Variants in FOXP1 observed in about 807,000 individuals in gnomAD.
FOXP1 encodes the protein forkhead box protein P1.
Under a neutral mutation model 98.2 loss-of-function variants are expected in FOXP1, and 15 were observed. The ratio of observed to expected loss-of-function variants is 0.15; its 90% CI spans 0.10 to 0.24. FOXP1 has a LOEUF of 0.24. Among genes scored for constraint, FOXP1 ranks in the 10% least tolerant of loss-of-function variants. The pLI is 1.00. For synonymous variants in FOXP1, 371 were observed against 314.5 expected, an observed-to-expected ratio of 1.18 and a Z score of -1.90; for missense variants, 633 against 848.5, an observed-to-expected ratio of 0.75 and a Z score of 3.15.
In FOXP1 at chr3:71,198,271, G is replaced by A. The variant is rs979988363; in HGVS notation, c.111C>T (p.Ser37=). The part of the protein sequence containing the change: ...LECGGLREGR[S]NGETPAVDIG... ...TGTCCACGGCCGGCGTCTCTCCGTTGGACCGCCCCTCCCGAAGACCGCCGC... is the reference window on the plus strand; with the variant it reads ...TGTCCACGGCCGGCGTCTCTCCGTTAGACCGCCCCTCCCGAAGACCGCCGC... Residue 37 remains serine, a synonymous_variant, in exon 6 of 21, where the codon TCC becomes TCT. Coordinates refer to ENST00000649528, the MANE Select transcript of FOXP1 (RefSeq NM_001349338.3). 6.2e-7 allele frequency: 1 copy of A among 1,614,186 alleles called. No individual in the cohort carries two copies. The highest frequency in any genetic ancestry group is 8.5e-7 in the Non-Finnish European group (1 of 1,180,040).
chr3:71,517,275 A>G (rs768215678), intron 2 of FOXP1, among the ~76,000 whole-genome samples: 6 of 152,230 alleles, frequency 3.9e-5, no homozygotes, highest in Non-Finnish European at 8.8e-5. Flanking sequence ...ACAGATTCAC[A>G]GCATTGAAGA....
chr3:71,214,294 T>C (rs2064746998), intron 5 of FOXP1, among the ~76,000 whole-genome samples: 1 of 152,214 alleles, frequency 6.6e-6, no homozygotes, highest in African/African-American at 2.4e-5. Flanking sequence ...AAGTCCTTTA[T>C]CAAGCTACCT....
At chr3:71,147,947 A>T (rs538906387) in intron 6 of FOXP1, among the ~76,000 whole-genome samples, 18 of 152,392 alleles carry the variant, frequency 1.2e-4, no homozygotes, top group Non-Finnish European at 1.3e-4. Flanking sequence ...CAAAGACAAA[A>T]GATCGCCAAA....
At chr3:71,417,834 C>T (rs775005965) in intron 3 of FOXP1, among the ~76,000 whole-genome samples, 2 of 151,910 alleles carry the variant, frequency 1.3e-5, no homozygotes, top group East Asian at 1.9e-4. Flanking sequence ...GCATTTGGTC[C>T]GCATAGCCGA....
intron 3 of FOXP1, among the ~76,000 whole-genome samples, chr3:71,448,794 C>T (rs1185823640): frequency 6.6e-6 from 1 of 152,186 alleles, no homozygotes; most frequent in East Asian, 1.9e-4. Context: ...ACCAAATTAC[C>T]ATTGCCACAA....
In FOXP1 at chr3:71,399,827, G is replaced by A. The variant is rs1178003333; in HGVS notation, c.-167-40583C>T. On this transcript the variant is annotated intron_variant, in intron 3 of 20. Transcript: ENST00000649528. ...ACCTCTTACAAACCTTCATTTTACT[G>A]GGAAATCTTTCCATGAAACTCTACA... Among the ~76,000 whole-genome samples the A allele has an allele frequency of 1.1e-4, 16 of 152,150 alleles. 1 individual carries two copies. Among genetic ancestry groups the A allele is most frequent in the Admixed American group, 7.2e-4 (11 of 15,268 alleles).
At chr3:71,170,189 TTC>T (rs2061580271) in intron 6 of FOXP1, among the ~76,000 whole-genome samples, 1 of 152,218 alleles carries the variant, frequency 6.6e-6, no homozygotes, top group African/African-American at 2.4e-5. Flanking sequence ...ATGTCTGTGT[TTC>T]TCTTTCCTAT....
chr3:70,978,253 A>G (rs1389136578), intron 14 of FOXP1, among the ~76,000 whole-genome samples: 2 of 152,206 alleles, frequency 1.3e-5, no homozygotes, highest in Admixed American at 1.3e-4. Context: ...AGGCTGCTAC[A>G]TGGGTGTTTA....
chr3:71,194,887 G>C (rs552308571), intron 6 of FOXP1, among the ~76,000 whole-genome samples: 1 of 152,212 alleles, frequency 6.6e-6, no homozygotes, highest in South Asian at 2.1e-4. Flanking sequence ...AAGACAGTTT[G>C]TGAGTGTGTT....
chr3:71,530,951 T>C (rs1030747367), intron 2 of FOXP1, among the ~76,000 whole-genome samples: 32 of 152,168 alleles, frequency 2.1e-4, no homozygotes, highest in African/African-American at 7.5e-4. Context: ...TGCCCCCAAA[T>C]GGGCCCCCAC....
intron 13 of FOXP1, among the ~76,000 whole-genome samples, chr3:70,991,161 G>C (rs1393541934): frequency 1.3e-5 from 2 of 151,574 alleles, no homozygotes; most frequent in South Asian, 2.1e-4. Flanking sequence ...AATGGAGTTT[G>C]CAGTTGGGCT....
intron 2 of FOXP1, among the ~76,000 whole-genome samples, chr3:71,497,112 A>T (rs1049831209): frequency 1.2e-4 from 19 of 152,150 alleles, no homozygotes; most frequent in Non-Finnish European, 2.2e-4. Flanking sequence ...TAAAAATACC[A>T]GAAGATAGAT....
At chr3:71,271,726 A>G (rs796481383) in intron 5 of FOXP1, among the ~76,000 whole-genome samples, 36 of 152,340 alleles carry the variant, frequency 2.4e-4, no homozygotes, top group African/African-American at 7.9e-4. Flanking sequence ...TTGCTTCCCT[A>G]CAGAGAGACA....
chr3:71,187,278 T>C (rs2062705774), intron 6 of FOXP1, among the ~76,000 whole-genome samples: 1 of 152,214 alleles, frequency 6.6e-6, no homozygotes, highest in Non-Finnish European at 1.5e-5. Flanking sequence ...GCGTGATGCT[T>C]TTCCTGTCCC....
intron 2 of FOXP1, among the ~76,000 whole-genome samples, chr3:71,566,096 A>G (rs1054365358): frequency 6.6e-6 from 1 of 152,216 alleles, no homozygotes; most frequent in Non-Finnish European, 1.5e-5. Flanking sequence ...CTCACTGACC[A>G]CCATGACAGC....
chr3:71,040,317 C>T (rs893801725), intron 11 of FOXP1: 1 of 152,040 alleles, frequency 6.6e-6, no homozygotes, highest in Non-Finnish European at 1.5e-5. Context: ...AAACACAATA[C>T]AGAATTTGCT....
At chr3:71,158,331 C>T (rs968435014) in intron 6 of FOXP1, among the ~76,000 whole-genome samples, 1 of 152,010 alleles carries the variant, frequency 6.6e-6, no homozygotes, top group Non-Finnish European at 1.5e-5. Context: ...TGTTAGAAGA[C>T]ACAAGTAGAT....
intron 3 of FOXP1, among the ~76,000 whole-genome samples, chr3:71,414,422 A>G (rs2083040742): frequency 1.3e-5 from 2 of 152,178 alleles, no homozygotes. Context: ...CCAGTCACAG[A>G]TGCACTGCCC....
chr3:71,040,949 A>G (rs2048263317), intron 11 of FOXP1, among the ~76,000 whole-genome samples: 1 of 152,182 alleles, frequency 6.6e-6, no homozygotes, highest in Admixed American at 6.5e-5. Context: ...ACCATAATTC[A>G]AAATTGCCCA....
Sources: allele counts gnomAD v4.1 joint callset (sites outside exome capture counted in the v4.1 genomes callset), GRCh38; gene constraint gnomAD v4.1.1; transcripts MANE v1.5; gene names NCBI Gene and HGNC (gene_info 2026-07-23, HGNC 2026-07-21).